METTL6: variants seen among roughly 807,000 people sequenced by gnomAD.
METTL6 encodes the protein tRNA N(3)-cytidine methyltransferase METTL6.
A neutral mutation model predicts 26.4 loss-of-function variants in METTL6; 22 were observed. The ratio of observed to expected loss-of-function variants is 0.83; its 90% confidence interval spans 0.59 to 1.19. METTL6 has a LOEUF of 1.19. Ranked by LOEUF, METTL6 falls within the 50% of genes most tolerant of loss-of-function variation. The pLI is 0.00. For missense variants in METTL6, 304 were observed against 324.8 expected, an observed-to-expected ratio of 0.94 and a Z score of 0.49; for synonymous variants, 109 against 116.2, an observed-to-expected ratio of 0.94 and a Z score of 0.40.
rs574213698 is a variant in METTL6, at chr3:15,391,973, C to T, written c.*12-7786G>A. ...GCAATAAACATACATGTGCATGTGT[C>T]TTTATAGCAGCATGATTTATAATCC... is the stretch of plus-strand genomic sequence containing the variant. On this transcript the variant is annotated intron_variant, in intron 6 of 6. Transcript: ENST00000443029. 3.9e-3 allele frequency among the ~76,000 whole-genome samples: 597 copies of T among 152,210 alleles called. 1 individual carries two copies. The highest frequency in any genetic ancestry group is 6.5e-3 in the Non-Finnish European group (439 of 68,008).
In METTL6 at chr3:15,402,735, C is replaced by CAAAA. The variant is rs548363790; in HGVS notation, c.*11+8506_*11+8509dup. 8.7e-5 allele frequency among the ~76,000 whole-genome samples: 5 copies of CAAAA among 57,720 alleles called. 1 individual carries two copies. The highest frequency in any genetic ancestry group is 2.6e-4 in the African/African-American group (5 of 19,034). 37.9% of individuals were successfully genotyped at this position (57,720 alleles called of 152,430 possible). A position where few individuals can be genotyped will look rare whatever the true frequency, so the allele number is the denominator to read the frequency against. ...TGGGAAACAGAGTGAGATTCCATCT[C>CAAAA]AAAAAAAAAAAAAAGAAAAAGAAAA... On this transcript the variant is annotated intron_variant, in intron 6 of 6. Coordinates refer to the METTL6 transcript ENST00000443029.
At chr3:15,397,613 G>A (rs1165229520) in intron 6 of METTL6, among the ~76,000 whole-genome samples, 5 of 152,218 alleles carry the variant, frequency 3.3e-5, no homozygotes, top group East Asian at 1.9e-4. Flanking sequence ...GTTCCTATTC[G>A]GCCATCTTCA....
In METTL6 at chr3:15,411,164, G is replaced by C; in HGVS notation, c.*92C>G. The stretch of plus-strand genomic sequence containing the variant: ...CCAACCTCGGCCTCCCGAAGTGCTG[G>C]GATTACAGGCATGAGCCACCGCACC... On this transcript the variant is annotated 3_prime_UTR_variant, in exon 6 of 6. Coordinates refer to ENST00000383790, the MANE Select transcript of METTL6 (RefSeq NM_152396.4). 7.1e-7 allele frequency: 1 copy of C among 1,403,420 alleles called. No individual in the cohort carries two copies. The highest frequency in any genetic ancestry group is 9.6e-7 in the Non-Finnish European group (1 of 1,036,654). The allele number at this position is 1,403,420 out of a possible 1,614,324, so 86.9% of individuals were successfully genotyped here.
chr3:15,413,518 G>C (rs193047052), intron 5 of METTL6, among the ~76,000 whole-genome samples: 1 of 152,068 alleles, frequency 6.6e-6, no homozygotes, highest in Non-Finnish European at 1.5e-5. Context: ...GCTGCAGTGA[G>C]CCAAGATCAC....
chr3:15,392,614 G>T (rs1349290537), intron 6 of METTL6, among the ~76,000 whole-genome samples: 1 of 152,110 alleles, frequency 6.6e-6, no homozygotes, highest in African/African-American at 2.4e-5. Flanking sequence ...TCCTTCTAGG[G>T]TTTTTATGGT....
intron 5 of METTL6, chr3:15,413,594 C>A (rs1239524107): frequency 1.5e-5 from 17 of 1,158,082 alleles, no homozygotes; most frequent in Non-Finnish European, 1.8e-5. Flanking sequence ...AAAACCAAAC[C>A]CCAAAACAGA....
chr3:15,394,547 A>G (rs966261375), intron 6 of METTL6, among the ~76,000 whole-genome samples: 8 of 152,008 alleles, frequency 5.3e-5, no homozygotes, highest in African/African-American at 1.7e-4. Context: ...TAGCTTTTGA[A>G]TATGTTTGCT....
chr3:15,396,616 TG>T (rs1699495786), intron 6 of METTL6, among the ~76,000 whole-genome samples: 1 of 152,206 alleles, frequency 6.6e-6, no homozygotes, highest in Admixed American at 6.5e-5. Flanking sequence ...CCCATCTTTG[TG>T]GTTTTATCTA....
chr3:15,408,783 C>A (rs974839130), downstream of METTL6, among the ~76,000 whole-genome samples: 1 of 151,990 alleles, frequency 6.6e-6, no homozygotes, highest in South Asian at 2.1e-4. Context: ...TGCTACATCA[C>A]CCAGGATCCC....
chr3:15,393,325 G>C (rs1412742032), intron 6 of METTL6, among the ~76,000 whole-genome samples: 1 of 152,184 alleles, frequency 6.6e-6, no homozygotes, highest in South Asian at 2.1e-4. Flanking sequence ...AAGAATGCTT[G>C]TGATTTTTGC....
At chr3:15,420,209 T>C (rs112275767) in intron 3 of METTL6, among the ~76,000 whole-genome samples, 79 of 152,264 alleles carry the variant, frequency 5.2e-4, no homozygotes, top group African/African-American at 1.5e-3. Context: ...TTATAACAGG[T>C]AAATAAAATC....
At chr3:15,381,564 G>T (rs1699083951) in exon 7 of METTL6, 1 of 152,180 alleles carries the variant, frequency 6.6e-6, no homozygotes, top group Non-Finnish European at 1.5e-5. Context: ...CTCCTCAGGG[G>T]TTAGTTTTGG....
chr3:15,397,053 CT>C lies in METTL6; in HGVS notation c.*12-12867del, dbSNP rs755675889. On this transcript the variant is annotated intron_variant, in intron 6 of 6. Transcript: ENST00000443029. ...TTAAGTCTGCAGAGGTTTCTGCTGC[CT>C]TTTGTTTGGCTATGCCCGCCCCCAG... Among the ~76,000 whole-genome samples the C allele has an allele frequency of 3.3e-5, 5 of 152,318 alleles. No homozygotes were observed. In the South Asian group the frequency reaches 1.0e-3, roughly 32 times the overall value.
chr3:15,395,186 T>TA (rs1226525561), intron 6 of METTL6, among the ~76,000 whole-genome samples: 1 of 152,236 alleles, frequency 6.6e-6, no homozygotes, highest in Non-Finnish European at 1.5e-5. Flanking sequence ...GGTGCTCCTG[T>TA]ATTGGGTGCA....
Position 15,411,438 on chromosome 3 carries a change from C to G in METTL6, c.674-1G>C. On this transcript the variant is annotated splice_acceptor_variant, in intron 5 of 5. Transcript: ENST00000383790. LOFTEE classifies it high-confidence loss of function. ...TCCATAAAGAGCTGAGCCAGGAAGT[C>G]TGTAAGACAAGCATCAACAATGCTC... 6.2e-7 allele frequency: 1 copy of G among 1,612,582 alleles called. No individual in the cohort carries two copies. The highest frequency in any genetic ancestry group is 1.7e-5 in the Admixed American group (1 of 59,614).
intron 6 of METTL6, among the ~76,000 whole-genome samples, chr3:15,390,268 A>C (rs1699308677): frequency 6.6e-6 from 1 of 151,952 alleles, no homozygotes; most frequent in South Asian, 2.1e-4. Flanking sequence ...TCTCTACTAA[A>C]AATACAAAAG....
intron 6 of METTL6, among the ~76,000 whole-genome samples, chr3:15,403,050 T>A (rs1699690893): frequency 6.6e-6 from 1 of 152,208 alleles, no homozygotes; most frequent in Non-Finnish European, 1.5e-5. Flanking sequence ...AGATATAGTC[T>A]GTTAGGTCAG....
intron 5 of METTL6, chr3:15,413,632 C>G: frequency 8.5e-7 from 1 of 1,177,236 alleles, no homozygotes; most frequent in Non-Finnish European, 1.1e-6. Context: ...AAAAAGGTTT[C>G]CTGACTTTGT....
intron 3 of METTL6, among the ~76,000 whole-genome samples, chr3:15,423,624 G>A (rs1032635731): frequency 1.3e-5 from 2 of 152,170 alleles, no homozygotes; most frequent in Admixed American, 6.5e-5. Flanking sequence ...TGTAATCTCA[G>A]CACTTTGGGA....
Sources: gnomAD v4.1 joint callset for allele counts (sites outside exome capture counted in the v4.1 genomes callset) on GRCh38, gnomAD v4.1.1 for gene constraint, MANE v1.5 for transcripts, NCBI Gene and HGNC (gene_info 2026-07-23, HGNC 2026-07-21) for gene names.